FAM124A: variants seen among roughly 807,000 people sequenced by gnomAD.
FAM124A encodes family with sequence similarity 124 member A.
Under a neutral mutation model 24.5 loss-of-function variants are expected in FAM124A, and 23 were observed. The ratio of observed to expected loss-of-function variants is 0.94; its 90% CI spans 0.68 to 1.33. The LOEUF is 1.33. Ranked by LOEUF, FAM124A falls within the 40% of genes most tolerant of loss-of-function variation. The pLI is 0.00. For synonymous variants in FAM124A, 287 were observed against 314.7 expected (o/e 0.91, Z 0.93); for missense variants, 623 against 722.8 (o/e 0.86, Z 1.58).
At position 51,280,782 on chromosome 13, in the gene FAM124A, G is replaced by A. The variant is rs1314062328; in HGVS notation, c.1167G>A (p.Gly389=). Residue 389 remains glycine (G), a synonymous_variant, in exon 4 of 4, where the codon GGG becomes GGA. Coordinates refer to ENST00000322475, the MANE Select transcript of FAM124A (RefSeq NM_001242312.2). ...GGTTTTCAAACACAGGTGCCCCAGG[G>A]CACAGGGCATCAGAGTGGAGGCATG... The part of the protein sequence containing the change: ...PQWFSNTGAP[G]HRASEWRHGH... 6.2e-7 allele frequency: 1 copy of A among 1,614,212 alleles called. No individual in the cohort carries two copies. The highest frequency in any genetic ancestry group is 1.1e-5 in the South Asian group (1 of 91,080).
chr13:51,271,690 C>G (rs1015990073), intron 3 of FAM124A, among the ~76,000 whole-genome samples: 1 of 152,168 alleles, frequency 6.6e-6, no homozygotes, highest in Non-Finnish European at 1.5e-5. Context: ...ATTCTGCTCT[C>G]ATTTCTGTTC....
At chr13:51,259,125 A>T (rs1382988302) in intron 3 of FAM124A, among the ~76,000 whole-genome samples, 1 of 152,098 alleles carries the variant, frequency 6.6e-6, no homozygotes, top group Admixed American at 6.5e-5. Context: ...GTCCTCTCTC[A>T]TGAGACCACT....
chr13:51,230,528 A>G (rs1475062088), intron 1 of FAM124A, among the ~76,000 whole-genome samples: 1 of 152,246 alleles, frequency 6.6e-6, no homozygotes, highest in Non-Finnish European at 1.5e-5. Context: ...TTTCCTACTG[A>G]GAATGACTTT....
At position 51,283,617 on chromosome 13, in the gene FAM124A, A is replaced by ACCTTCTG. The variant is rs1954960215; in HGVS notation, c.*2364_*2370dup. On this transcript the variant is annotated 3_prime_UTR_variant, in exon 4 of 4. Coordinates refer to ENST00000322475, the MANE Select transcript of FAM124A (RefSeq NM_001242312.2). ...ATTCCTGGAAAGCCACCAGCACTCC[A>ACCTTCTG]CCTTCTGCCCAGAAATGTGATTCAG... The ACCTTCTG allele has an allele frequency of 6.6e-5, 10 of 152,092 alleles. No homozygotes were observed. The highest frequency in any genetic ancestry group is 6.8e-3 in the Middle Eastern group (2 of 294). 9.4% of individuals were successfully genotyped at this position (152,092 alleles called of 1,614,324 possible).
chr13:51,249,776 C>T (rs1258771125), intron 2 of FAM124A, among the ~76,000 whole-genome samples: 1 of 152,158 alleles, frequency 6.6e-6, no homozygotes, highest in Non-Finnish European at 1.5e-5. Flanking sequence ...TTTAATTTTA[C>T]TTTTTGATGT....
At chr13:51,229,158 G>A (rs1045639038) in intron 1 of FAM124A, among the ~76,000 whole-genome samples, 3 of 152,226 alleles carry the variant, frequency 2.0e-5, no homozygotes, top group African/African-American at 4.8e-5. Context: ...CCGTTGTGAC[G>A]GTGGACCCGG....
chr13:51,245,766 A>G (rs1455055749), intron 2 of FAM124A, among the ~76,000 whole-genome samples: 5 of 152,190 alleles, frequency 3.3e-5, no homozygotes, highest in Non-Finnish European at 7.3e-5. Flanking sequence ...TGTTGCTTTA[A>G]ATGAAAGATT....
intron 2 of FAM124A, among the ~76,000 whole-genome samples, chr13:51,238,467 T>A (rs910901161): frequency 6.6e-6 from 1 of 152,272 alleles, no homozygotes; most frequent in African/African-American, 2.4e-5. Context: ...TTTTAAAACC[T>A]ATAGGCTCTA....
rs543358366 is a variant in FAM124A, at chr13:51,258,497, G to A, written c.834+6296G>A. ...CTCCGAACCCTCTTCAGACTCTAAT[G>A]TCTGGGTTATTGGGCAGCCCCTTAT... On this transcript the variant is annotated intron_variant, in intron 3 of 3. Transcript: ENST00000322475. This position sits in a 1 kb window ranked among gnomAD's most constrained non-coding sequence, Gnocchi z 4.2. 6.6e-6 allele frequency among the ~76,000 whole-genome samples: 1 copy of A among 152,214 alleles called. No homozygotes were observed. Among genetic ancestry groups the A allele is most frequent in the African/African-American group, 2.4e-5 (1 of 41,456 alleles).
intron 3 of FAM124A, among the ~76,000 whole-genome samples, chr13:51,262,320 C>G (rs1319809004): frequency 2.0e-5 from 3 of 151,408 alleles, no homozygotes; most frequent in Non-Finnish European, 4.4e-5. Context: ...TGTTTTCATA[C>G]TTTTAATTAT....
Position 51,281,261 on chromosome 13 carries a change from C to T in FAM124A, c.*5C>T, listed in dbSNP as rs1954936849. 1 of 1,546,082 alleles carries T rather than the reference C, an allele frequency of 6.5e-7. No homozygotes were observed. Among genetic ancestry groups the T allele is most frequent in the South Asian group, 1.2e-5 (1 of 80,806 alleles). On this transcript the variant is annotated 3_prime_UTR_variant, in exon 4 of 4. Transcript: ENST00000322475. ...ATGGAGGAATTCTACATCTGAATGC[C>T]CTCTGCTCTTGTTCTCGAAACACAC...
chr13:51,258,184 G>C lies in FAM124A; in HGVS notation c.834+5983G>C, dbSNP rs182872240. The stretch of plus-strand genomic sequence containing the variant: ...ATTTTCCCTTTATGTAAGGACACCA[G>C]TTCTATTGTATTAGGGGCTCACCTT... On this transcript the variant is annotated intron_variant, in intron 3 of 3. Transcript: ENST00000322475. The surrounding 1 kb of genome is among the most constrained non-coding windows in gnomAD (Gnocchi z 4.2). 2.1e-3 allele frequency among the ~76,000 whole-genome samples: 315 copies of C among 152,260 alleles called. 2 individuals are homozygous for C. The highest frequency in any genetic ancestry group is 0.01 in the Admixed American group (159 of 15,298).
intron 3 of FAM124A, among the ~76,000 whole-genome samples, chr13:51,266,173 G>A (rs922575850): frequency 2.0e-5 from 3 of 152,108 alleles, no homozygotes; most frequent in Non-Finnish European, 2.9e-5. Context: ...GATAGTTTTG[G>A]GGGCCTTTCC....
At chr13:51,246,435 C>T (rs1208489044) in intron 2 of FAM124A, among the ~76,000 whole-genome samples, 1 of 143,456 alleles carries the variant, frequency 7.0e-6, no homozygotes. Flanking sequence ...CACCTGATGA[C>T]AGCTTGAAGC....
chr13:51,260,769 A>G (rs575710312), intron 3 of FAM124A, among the ~76,000 whole-genome samples: 2 of 152,294 alleles, frequency 1.3e-5, no homozygotes, highest in East Asian at 3.9e-4. Context: ...TAGAAGGCAT[A>G]AAAACCTGGA....
At chr13:51,243,322 G>GA (rs1954520320) in intron 2 of FAM124A, among the ~76,000 whole-genome samples, 1 of 152,078 alleles carries the variant, frequency 6.6e-6, no homozygotes, top group African/African-American at 2.4e-5. Flanking sequence ...CTAAAACTAT[G>GA]AAAAAAAGAG....
At chr13:51,231,208 A>G (rs1954373132) in intron 1 of FAM124A, 140 bp from the exon 2 acceptor site, 2 of 867,346 alleles carry the variant, frequency 2.3e-6, no homozygotes, top group African/African-American at 1.7e-5. Context: ...TTTGCATAAA[A>G]TGAGCCTTAG....
chr13:51,223,181 G>C (rs986400535), intron 1 of FAM124A, among the ~76,000 whole-genome samples: 2 of 146,050 alleles, frequency 1.4e-5, no homozygotes, highest in Non-Finnish European at 3.0e-5. Context: ...GTTGGGATTA[G>C]GATCTAGCCC....
intron 3 of FAM124A, among the ~76,000 whole-genome samples, chr13:51,269,217 T>A (rs1445040322): frequency 6.6e-6 from 1 of 152,228 alleles, no homozygotes; most frequent in Non-Finnish European, 1.5e-5. Context: ...AATTACCTGC[T>A]TAATGGACAC....
Sources: allele counts gnomAD v4.1 joint callset (sites outside exome capture counted in the v4.1 genomes callset), GRCh38; gene constraint gnomAD v4.1.1; non-coding constraint Gnocchi (gnomAD v3.1); transcripts MANE v1.5; gene names NCBI Gene and HGNC (gene_info 2026-07-23, HGNC 2026-07-21).